ECT2L: variants seen among roughly 807,000 people sequenced by gnomAD.
ECT2L encodes epithelial cell-transforming sequence 2 oncogene-like.
Under a neutral mutation model 122.8 loss-of-function variants are expected in ECT2L, and 126 were observed. The observed-to-expected ratio is 1.03, with a 90% CI of 0.89 to 1.19. The LOEUF is 1.19. Among genes scored for constraint, ECT2L ranks in the 50% most tolerant of loss-of-function variants. The pLI is 0.00. For missense variants in ECT2L, 1,012 were observed against 1,064.1 expected (o/e 0.95, Z 0.68); for synonymous variants, 385 against 381.8 (o/e 1.01, Z -0.10).
chr6:138,824,177 G>T (rs1156401763), intron 4 of ECT2L, among the ~76,000 whole-genome samples: 1 of 151,862 alleles, frequency 6.6e-6, no homozygotes, highest in East Asian at 1.9e-4. Context: ...CAATTTCCTG[G>T]TTTTGACATT....
chr6:138,839,363 A>G (rs985771441), intron 5 of ECT2L, among the ~76,000 whole-genome samples: 1 of 121,976 alleles, frequency 8.2e-6, no homozygotes, highest in Non-Finnish European at 1.7e-5. Flanking sequence ...CTAAACACAT[A>G]CTTTTTTTTT....
chr6:138,843,293 T>C (rs1777109371), intron 6 of ECT2L, 62 bp downstream of exon 6: 27 of 1,466,506 alleles, frequency 1.8e-5, no homozygotes, highest in Non-Finnish European at 2.5e-5. Context: ...TGGATTCACA[T>C]ACAAATTCCC....
intron 1 of ECT2L, among the ~76,000 whole-genome samples, chr6:138,799,931 T>C (rs1775483404): frequency 6.6e-6 from 1 of 152,186 alleles, no homozygotes; most frequent in African/African-American, 2.4e-5. Flanking sequence ...AGCCAGTGTA[T>C]GGGGGAAGAG....
intron 8 of ECT2L, among the ~76,000 whole-genome samples, chr6:138,847,905 A>G (rs973738085): frequency 1.3e-5 from 2 of 152,212 alleles, no homozygotes; most frequent in African/African-American, 4.8e-5. Flanking sequence ...TATAAAGGAA[A>G]GAGGTTTAAT....
At chr6:138,799,689 A>T (rs1775474429) in intron 1 of ECT2L, among the ~76,000 whole-genome samples, 1 of 151,976 alleles carries the variant, frequency 6.6e-6, no homozygotes, top group Non-Finnish European at 1.5e-5. Context: ...CCTCCCAACT[A>T]GCTAGGACTA....
intron 5 of ECT2L, among the ~76,000 whole-genome samples, chr6:138,840,619 AT>A (rs1209269980): frequency 1.4e-3 from 209 of 150,606 alleles, no homozygotes; most frequent in African/African-American, 4.8e-3. Context: ...AAAATATTTC[AT>A]TTTTTTTTCT....
In ECT2L at chr6:138,799,547, G is replaced by A. The variant is rs189208555; in HGVS notation, c.-244+3355G>A. Among the ~76,000 whole-genome samples the A allele has an allele frequency of 1.9e-3, 292 of 151,750 alleles. 1 individual carries two copies. Among genetic ancestry groups the A allele is most frequent in the Admixed American group, 0.014 (217 of 15,262 alleles). ...TGGGATTGCAGGCGTGAGCCACCGCGCCCGGCCTCTTTTCTTTTTTTTTGA... is the reference window on the plus strand; with the variant it reads ...TGGGATTGCAGGCGTGAGCCACCGCACCCGGCCTCTTTTCTTTTTTTTTGA... On this transcript the variant is annotated intron_variant, in intron 1 of 21. Transcript: ENST00000541398.
rs144557030 is a variant in ECT2L at position 138,889,707 on chromosome 6, A to G, written c.2414+676A>G. On this transcript the variant is annotated intron_variant, in intron 20 of 21. Transcript: ENST00000541398. The stretch of plus-strand genomic sequence containing the variant: ...GTAAGAAAGAGAGGACCAATTTATT[A>G]TCCTCAGATAGTTATTGAGGTCAGT... 1.7e-3 allele frequency among the ~76,000 whole-genome samples: 255 copies of G among 152,352 alleles called. 1 individual carries two copies. Among genetic ancestry groups the G allele is most frequent in the African/African-American group, 6.0e-3 (249 of 41,580 alleles).
chr6:138,834,191 A>C (rs1291968762), intron 4 of ECT2L, among the ~76,000 whole-genome samples: 2 of 152,204 alleles, frequency 1.3e-5, no homozygotes, highest in Non-Finnish European at 2.9e-5. Flanking sequence ...CGTCACAATA[A>C]ATGAGCAAAA....
In ECT2L at chr6:138,854,115, G is replaced by A; in HGVS notation, c.1159G>A (p.Gly387Arg). The A allele has an allele frequency of 6.2e-7, 1 of 1,614,136 alleles. No homozygotes were observed. The highest frequency in any genetic ancestry group is 8.5e-7 in the Non-Finnish European group (1 of 1,180,006). ...AAGCTATGTGGCCACTGAAGAAGAAGGGGGTCACGTGGACTTCTTCGTGCC... is the reference window on the plus strand; with the variant it reads ...AAGCTATGTGGCCACTGAAGAAGAAAGGGGTCACGTGGACTTCTTCGTGCC... ...LGSYVATEEE[G>R]GHVDFFVPLG... Residue 387 changes from glycine (G) to arginine (R), a missense_variant, in exon 10 of 22, where the codon GGG (glycine) becomes AGG (arginine). Coordinates refer to ENST00000541398, the MANE Select transcript of ECT2L (RefSeq NM_001077706.3).
chr6:138,873,078 T>G (rs1489799105), intron 13 of ECT2L, among the ~76,000 whole-genome samples: 1 of 152,236 alleles, frequency 6.6e-6, no homozygotes, highest in Non-Finnish European at 1.5e-5. Flanking sequence ...AACTGGCTAT[T>G]GATCCGAACA....
At chr6:138,807,115 ATT>A (rs199510917) in intron 1 of ECT2L, among the ~76,000 whole-genome samples, 238 of 144,892 alleles carry the variant, frequency 1.6e-3, no homozygotes, top group African/African-American at 5.3e-3. Context: ...TCCCAGGGGT[ATT>A]TTTTTTTTTT....
chr6:138,885,293 G>T (rs1778778215), intron 16 of ECT2L, among the ~76,000 whole-genome samples: 2 of 151,980 alleles, frequency 1.3e-5, no homozygotes, highest in African/African-American at 2.4e-5. Context: ...CTCCCAAAGT[G>T]CTGGAATTAC....
chr6:138,825,676 TACA>T (rs1271540901), intron 4 of ECT2L, among the ~76,000 whole-genome samples: 17 of 152,222 alleles, frequency 1.1e-4, no homozygotes, highest in Admixed American at 3.9e-4. Context: ...ACAGCCTTTT[TACA>T]CTTCTGTGCA....
At chr6:138,812,411 A>G (rs1775931909) in intron 1 of ECT2L, among the ~76,000 whole-genome samples, 1 of 152,268 alleles carries the variant, frequency 6.6e-6, no homozygotes, top group South Asian at 2.1e-4. Context: ...GCTTTGCAGC[A>G]ATAAATAATA....
intron 20 of ECT2L, among the ~76,000 whole-genome samples, chr6:138,893,204 T>C (rs1169464244): frequency 4.9e-4 from 74 of 150,778 alleles, no homozygotes; most frequent in Admixed American, 4.6e-4. Flanking sequence ...TGTTTTTTTT[T>C]CCCCACCTCT....
chr6:138,890,662 C>A (rs570286050), intron 20 of ECT2L, among the ~76,000 whole-genome samples: 20 of 151,764 alleles, frequency 1.3e-4, no homozygotes, highest in Non-Finnish European at 2.8e-4. Context: ...TTCATGTATT[C>A]CTTCTCAAAC....
At chr6:138,877,760 C>T (rs925767508) in intron 14 of ECT2L, among the ~76,000 whole-genome samples, 14 of 151,940 alleles carry the variant, frequency 9.2e-5, no homozygotes, top group African/African-American at 2.9e-4. Context: ...ATAGAAAAAC[C>T]CTGTCTCTAC....
intron 20 of ECT2L, among the ~76,000 whole-genome samples, chr6:138,893,483 T>G (rs988511497): frequency 6.6e-6 from 1 of 152,052 alleles, no homozygotes; most frequent in African/African-American, 2.4e-5. Flanking sequence ...TGCAGTGGCC[T>G]GAGCTCGGCT....
Sources: gnomAD v4.1 joint callset for allele counts (sites outside exome capture counted in the v4.1 genomes callset) on GRCh38, gnomAD v4.1.1 for gene constraint, MANE v1.5 for transcripts, NCBI Gene and HGNC (gene_info 2026-07-23, HGNC 2026-07-21) for gene names.